Variants in THSD4 observed in about 807,000 individuals in gnomAD.
The protein encoded by THSD4 is thrombospondin type 1 domain containing 4, also known as thrombospondin type-1 domain-containing protein 4.
A neutral mutation model predicts 119.0 loss-of-function variants in THSD4; 69 were observed. The observed-to-expected ratio is 0.58, with a 90% CI of 0.48 to 0.71. The LOEUF (loss-of-function observed/expected upper bound fraction) is 0.71, where lower values mean the gene tolerates loss of function less well. Ranked by LOEUF, THSD4 falls within the 30% of genes least tolerant of loss-of-function variation. THSD4 has a pLI of 0.00. For missense variants in THSD4, 1,393 were observed against 1,391.1 expected (o/e 1.00, Z -0.02); for synonymous variants, 524 against 540.4 (o/e 0.97, Z 0.42).
chr15:71,302,248 C>T (rs893362393), intron 6 of THSD4, among the ~76,000 whole-genome samples: 3 of 152,026 alleles, frequency 2.0e-5, no homozygotes, highest in Non-Finnish European at 4.4e-5. Flanking sequence ...GGAGAGCACA[C>T]CAGAGGTGGC....
intron 3 of THSD4, among the ~76,000 whole-genome samples, chr15:71,161,894 T>C (rs185334041): frequency 7.9e-5 from 12 of 152,118 alleles, no homozygotes; most frequent in Admixed American, 7.2e-4. Flanking sequence ...TCATGTTTAT[T>C]TGTGTATCTG....
intron 2 of THSD4, among the ~76,000 whole-genome samples, chr15:71,142,429 T>C (rs1234703224): frequency 6.6e-6 from 1 of 152,212 alleles, no homozygotes; most frequent in African/African-American, 2.4e-5. Flanking sequence ...TTAAAAATTC[T>C]TCAATCAAAA....
At chr15:71,659,593 G>T (rs531388122) in intron 7 of THSD4, among the ~76,000 whole-genome samples, 1 of 151,970 alleles carries the variant, frequency 6.6e-6, no homozygotes, top group Admixed American at 6.5e-5. Context: ...TTTACTTTTT[G>T]TAAAGACTGG....
At chr15:71,681,630 G>T (rs2051780503) in intron 8 of THSD4, among the ~76,000 whole-genome samples, 1 of 145,658 alleles carries the variant, frequency 6.9e-6, no homozygotes, top group African/African-American at 2.6e-5. Flanking sequence ...AGCCAAGATG[G>T]TTCCACTTAA....
intron 6 of THSD4, among the ~76,000 whole-genome samples, chr15:71,391,639 A>G (rs2046380965): frequency 1.3e-5 from 2 of 152,190 alleles, no homozygotes; most frequent in Non-Finnish European, 2.9e-5. Flanking sequence ...GGTTCATTCC[A>G]GGTATCTGAG....
At chr15:71,100,130 T>C (rs567771599) in intron 1 of THSD4, among the ~76,000 whole-genome samples, 64 of 152,342 alleles carry the variant, frequency 4.2e-4, no homozygotes, top group African/African-American at 1.4e-3. Context: ...ATGGCCTCTA[T>C]TGAGTCCTAC....
intron 6 of THSD4, among the ~76,000 whole-genome samples, chr15:71,289,937 C>T (rs372390054): frequency 7.9e-5 from 12 of 152,226 alleles, no homozygotes; most frequent in East Asian, 3.9e-4. Flanking sequence ...TGGATGATCC[C>T]TCCCTGACAA....
Position 71,487,149 on chromosome 15 carries a change from C to T in THSD4, c.1152+75326C>T, listed in dbSNP as rs1308509400. On this transcript the variant is annotated intron_variant, in intron 7 of 17. Transcript: ENST00000261862. ...GTATGCCAGTGCAACATGCTTCTGA[C>T]CTTGCATTTCCTCGTCATTTCTGAC... Among the ~76,000 whole-genome samples, 6 of 152,172 alleles carry T rather than the reference C, an allele frequency of 3.9e-5. 1 individual carries two copies. Among genetic ancestry groups the T allele is most frequent in the East Asian group, 3.9e-4 (2 of 5,194 alleles).
intron 7 of THSD4, among the ~76,000 whole-genome samples, chr15:71,521,342 A>G (rs1364427713): frequency 1.3e-5 from 2 of 152,204 alleles, no homozygotes; most frequent in Non-Finnish European, 2.9e-5. Context: ...TATGTGGGGT[A>G]TTTTTAAAAG....
intron 17 of THSD4, among the ~76,000 whole-genome samples, chr15:71,773,382 A>G (rs1429290899): frequency 2.0e-5 from 3 of 152,192 alleles, no homozygotes; most frequent in Admixed American, 2.0e-4. Context: ...TACTCTGAAG[A>G]GCTGTCACTC....
chr15:71,552,341 G>A (rs2048944739), intron 7 of THSD4, among the ~76,000 whole-genome samples: 1 of 152,160 alleles, frequency 6.6e-6, no homozygotes, highest in Non-Finnish European at 1.5e-5. Context: ...ATTTCCTAAG[G>A]AGTAAATCAA....
Position 71,421,325 on chromosome 15 carries a change from CCCTTT to C in THSD4, c.1152+9503_1152+9507del, listed in dbSNP as rs1566976801. Among the ~76,000 whole-genome samples, 104 of 50,094 alleles carry C rather than the reference CCCTTT, an allele frequency of 2.1e-3. 1 individual carries two copies. In the Admixed American group the frequency reaches 0.024, roughly 11 times the overall value. 32.9% of individuals were successfully genotyped at this position (50,094 alleles called of 152,430 possible). ...ATTTTCTTTCTAGTCTCTTTCTACTCCCTTTAGTATTTCTTGTAGGATAGGGCTTG... is the reference window on the plus strand; with the variant it reads ...ATTTTCTTTCTAGTCTCTTTCTACTCAGTATTTCTTGTAGGATAGGGCTTG... On this transcript the variant is annotated intron_variant, in intron 7 of 17. Transcript: ENST00000261862.
intron 7 of THSD4, among the ~76,000 whole-genome samples, chr15:71,524,222 T>C (rs901472080): frequency 6.6e-6 from 1 of 152,238 alleles, no homozygotes; most frequent in Non-Finnish European, 1.5e-5. Flanking sequence ...CCAAGACCCC[T>C]GCCAGCCTTA....
rs368668897 is a variant in THSD4, at chr15:71,738,363, G to A, written c.1906+356G>A. The A allele has an allele frequency of 8.2e-5, 18 of 220,058 alleles. No homozygotes were observed. In the East Asian group the frequency reaches 1.7e-3, roughly 21 times the overall value. 13.6% of individuals were successfully genotyped at this position (220,058 alleles called of 1,614,324 possible). On this transcript the variant is annotated intron_variant, in intron 11 of 17. Coordinates refer to ENST00000261862, the MANE Select transcript of THSD4 (RefSeq NM_024817.3). Reference sequence around the variant, plus strand: ...TCCTAACAGGCCATGGACTGGTGTCGATTGGGGGCCCCTGGCCCAAGGGAA... The same window carrying A: ...TCCTAACAGGCCATGGACTGGTGTCAATTGGGGGCCCCTGGCCCAAGGGAA...
At chr15:71,601,672 GA>G in intron 7 of THSD4, among the ~76,000 whole-genome samples, 1 of 152,320 alleles carries the variant, frequency 6.6e-6, no homozygotes, top group South Asian at 2.1e-4. Flanking sequence ...CAAGGACGTG[GA>G]AAAAATCTAG....
At chr15:71,425,816 A>T (rs1018264723) in intron 7 of THSD4, among the ~76,000 whole-genome samples, 8 of 152,332 alleles carry the variant, frequency 5.3e-5, no homozygotes, top group African/African-American at 1.9e-4. Context: ...CTCATTTGGG[A>T]CCTGGGATAG....
Position 71,275,314 on chromosome 15 carries a change from A to G in THSD4, c.1015+18599A>G, listed in dbSNP as rs146190427. On this transcript the variant is annotated intron_variant, in intron 6 of 17. Transcript: ENST00000261862. ...CAAACAAATGTGTTTTTACATCAAG[A>G]CTACTAAGACTTCTCCAGGAAATCC... Among the ~76,000 whole-genome samples the G allele has an allele frequency of 2.6e-5, 4 of 152,290 alleles. No homozygotes were observed. The East Asian group carries it at 7.7e-4, about 29-fold the overall frequency.
chr15:71,254,972 G>A (rs1385833068), intron 5 of THSD4, among the ~76,000 whole-genome samples: 1 of 152,126 alleles, frequency 6.6e-6, no homozygotes, highest in Non-Finnish European at 1.5e-5. Context: ...GACCACGCTG[G>A]GCATTTGTAC....
chr15:71,411,785 C>T lies in THSD4; in HGVS notation c.1114C>T (p.Gln372Ter). Residue 372 changes from glutamine (Q) to a stop codon, truncating the protein, a stop_gained, in exon 7 of 18, where the codon CAG becomes TAG. Transcript: ENST00000261862. LOFTEE classifies it high-confidence loss of function. ...EKVIDGTPCD[Q>*]NGTAICVSGQ... is the part of the protein sequence containing the mutation. ...AGTCATCGATGGCACCCCCTGTGAC[C>T]AGAACGGCACGGCCATCTGTGTGTC... 1 of 1,614,066 alleles carries T rather than the reference C, an allele frequency of 6.2e-7. No individual in the cohort carries two copies. Among genetic ancestry groups the T allele is most frequent in the Non-Finnish European group, 8.5e-7 (1 of 1,179,986 alleles).
Sources: gnomAD v4.1 joint callset for allele counts (sites outside exome capture counted in the v4.1 genomes callset) on GRCh38, gnomAD v4.1.1 for gene constraint, MANE v1.5 for transcripts, NCBI Gene and HGNC (gene_info 2026-07-23, HGNC 2026-07-21) for gene names.